Variants in DENND6A observed in about 807,000 individuals in gnomAD.
DENND6A encodes DENN domain containing 6A, also known as protein DENND6A.
In DENND6A, 43 loss-of-function variants were observed where a neutral mutation model predicts 95.5. That is an observed-to-expected ratio of 0.45 (90% CI 0.35 to 0.58). The LOEUF (loss-of-function observed/expected upper bound fraction) is 0.58, where lower values mean the gene tolerates loss of function less well. Among genes scored for constraint, DENND6A ranks in the 20% least tolerant of loss-of-function variants. The probability of loss-of-function intolerance (pLI) is 0.00; values close to 1 mark genes in which losing one functional copy is unlikely to be tolerated. For missense variants in DENND6A, 574 were observed against 736.0 expected (o/e 0.78, Z 2.55); for synonymous variants, 257 against 260.4 (o/e 0.99, Z 0.13).
In DENND6A at chr3:57,692,954, G is replaced by T. The variant is rs1178685398; in HGVS notation, c.65C>A (p.Ala22Glu). Residue 22 changes from alanine to glutamate, a missense_variant, in exon 1 of 20, where the codon GCA becomes GAA. This residue lies in a region of DENND6A where 122 missense variants were observed against 105.1 expected (regional missense o/e 1.16). Coordinates refer to ENST00000311128, the MANE Select transcript of DENND6A (RefSeq NM_152678.3). ...GSRRPLDEAVAGAEGREAPAL... is the reference protein window; with the variant it reads ...GSRRPLDEAVEGAEGREAPAL... The stretch of plus-strand genomic sequence containing the variant: ...CGGCGCCTCGCGGCCCTCGGCCCCT[G>T]CCACCGCTTCGTCCAACGGCCTTCG... The T allele has an allele frequency of 7.8e-6, 12 of 1,547,828 alleles. No homozygotes were observed. In the South Asian group the frequency reaches 1.3e-4, roughly 17 times the overall value.
chr3:57,664,589 G>A (rs990280051), intron 4 of DENND6A, among the ~76,000 whole-genome samples: 2 of 152,070 alleles, frequency 1.3e-5, no homozygotes, highest in Non-Finnish European at 1.5e-5. Context: ...AATCCCAGCA[G>A]TTTGGGAGGC....
chr3:57,635,643 T>C (rs2070776293), intron 12 of DENND6A, among the ~76,000 whole-genome samples: 2 of 152,308 alleles, frequency 1.3e-5, no homozygotes, highest in South Asian at 4.1e-4. Flanking sequence ...TAGATCAAAC[T>C]GCTAATTGTG....
At chr3:57,669,435 G>C (rs968981162) in intron 3 of DENND6A, among the ~76,000 whole-genome samples, 4 of 152,058 alleles carry the variant, frequency 2.6e-5, no homozygotes, top group African/African-American at 9.7e-5. Context: ...AAAAAAATCA[G>C]TCAGGCGTGG....
chr3:57,650,218 A>G (rs2071174011), intron 9 of DENND6A, among the ~76,000 whole-genome samples: 1 of 152,028 alleles, frequency 6.6e-6, no homozygotes, highest in Admixed American at 6.6e-5. Context: ...GGGTATATCA[A>G]AATCTCAGAA....
At chr3:57,675,944 C>A (rs548646719) in intron 1 of DENND6A, among the ~76,000 whole-genome samples, 1 of 152,164 alleles carries the variant, frequency 6.6e-6, no homozygotes, top group African/African-American at 2.4e-5. Flanking sequence ...CCGGAGGTGC[C>A]TCAAAGGCCA....
intron 4 of DENND6A, among the ~76,000 whole-genome samples, chr3:57,664,813 C>G (rs1038821493): frequency 3.1e-4 from 47 of 152,100 alleles, no homozygotes; most frequent in African/African-American, 1.1e-3. Flanking sequence ...AGCCTGGTGA[C>G]AGAGCAAGAC....
chr3:57,633,637 C>T (rs1396432523), intron 14 of DENND6A, among the ~76,000 whole-genome samples: 1 of 152,104 alleles, frequency 6.6e-6, no homozygotes, highest in African/African-American at 2.4e-5. Flanking sequence ...GTCTGTAATC[C>T]CAACACTTTG....
At chr3:57,655,330 G>A (rs1395397638) in intron 9 of DENND6A, among the ~76,000 whole-genome samples, 2 of 152,198 alleles carry the variant, frequency 1.3e-5, no homozygotes, top group Non-Finnish European at 2.9e-5. Context: ...ACTGCATCTG[G>A]CGGGAAACAA....
rs1450241626 is a variant in DENND6A, at chr3:57,673,239, AAAAG to A, written c.238-805_238-802del. ...AAAAAAAAAAAAAAAAAAAGAAAGAAAAAGAAAAAAAAAAAATAATGAAATCCTG... is the reference window on the plus strand; with the variant it reads ...AAAAAAAAAAAAAAAAAAAGAAAGAAAAAAAAAAAAAATAATGAAATCCTG... On this transcript the variant is annotated intron_variant, in intron 1 of 19. Transcript: ENST00000311128. Among the ~76,000 whole-genome samples, 62 of 148,882 alleles carry A rather than the reference AAAAG, an allele frequency of 4.2e-4. 1 individual carries two copies. The highest frequency in any genetic ancestry group is 2.1e-4 in the Non-Finnish European group (14 of 67,262).
chr3:57,656,252 C>T (rs2071323402), intron 9 of DENND6A, among the ~76,000 whole-genome samples: 1 of 152,138 alleles, frequency 6.6e-6, no homozygotes, highest in African/African-American at 2.4e-5. Context: ...TTTTCCAGAA[C>T]ATCATATAAA....
chr3:57,650,201 G>C (rs747705925), intron 9 of DENND6A, among the ~76,000 whole-genome samples: 1 of 151,750 alleles, frequency 6.6e-6, no homozygotes, highest in Non-Finnish European at 1.5e-5. Context: ...TACATTCCTC[G>C]TGTGATGGGT....
intron 12 of DENND6A, among the ~76,000 whole-genome samples, chr3:57,635,480 A>T (rs1490598805): frequency 1.3e-5 from 2 of 152,178 alleles, no homozygotes; most frequent in African/African-American, 4.8e-5. Context: ...GAACAAACCT[A>T]ATTTCAAAGA....
intron 1 of DENND6A, among the ~76,000 whole-genome samples, chr3:57,674,199 C>T (rs1347132828): frequency 6.6e-6 from 1 of 151,842 alleles, no homozygotes; most frequent in South Asian, 2.1e-4. Flanking sequence ...GGTGAAACCC[C>T]GTCTCTACTA....
intron 9 of DENND6A, chr3:57,654,647 T>A (rs903958840): frequency 1.0e-6 from 1 of 985,256 alleles, no homozygotes; most frequent in Non-Finnish European, 1.2e-6. Context: ...AATTCTAATC[T>A]CACCTCAAAA....
chr3:57,668,943 G>A (rs537223902), intron 3 of DENND6A, among the ~76,000 whole-genome samples: 5 of 152,198 alleles, frequency 3.3e-5, no homozygotes, highest in Non-Finnish European at 7.4e-5. Context: ...CACAATCTCG[G>A]CTCACTGCAA....
chr3:57,667,122 G>A (rs530367088), intron 3 of DENND6A, among the ~76,000 whole-genome samples: 26 of 152,020 alleles, frequency 1.7e-4, no homozygotes, highest in Non-Finnish European at 3.5e-4. Flanking sequence ...TTCACTGCTC[G>A]GGTTCAAGAG....
chr3:57,634,922 G>A (rs1197769378), intron 12 of DENND6A, among the ~76,000 whole-genome samples, 153 bp from the exon 13 acceptor site: 2 of 151,958 alleles, frequency 1.3e-5, no homozygotes, highest in Non-Finnish European at 2.9e-5. Context: ...TTCATTCTTG[G>A]TATTTTAAAA....
At chr3:57,683,971 G>A (rs1226110362) in intron 1 of DENND6A, among the ~76,000 whole-genome samples, 1 of 151,932 alleles carries the variant, frequency 6.6e-6, no homozygotes, top group African/African-American at 2.4e-5. Flanking sequence ...TAGCCAAGAT[G>A]GTGAAACCCC....
At chr3:57,634,517 G>GAA (rs773020553) in intron 14 of DENND6A, 41 bp downstream of exon 14, 1 of 1,160,124 alleles carries the variant, frequency 8.6e-7, no homozygotes, top group Non-Finnish European at 1.2e-6. Context: ...TTACATACCT[G>GAA]AACAAGGAAA....
Sources: allele counts gnomAD v4.1 joint callset (sites outside exome capture counted in the v4.1 genomes callset), GRCh38; gene constraint gnomAD v4.1.1; regional missense constraint gnomAD v4.1.1; transcripts MANE v1.5; gene names NCBI Gene and HGNC (gene_info 2026-07-23, HGNC 2026-07-21).